Variants in THSD7B observed in about 807,000 individuals in gnomAD.
THSD7B encodes thrombospondin type-1 domain-containing protein 7B.
Under a neutral mutation model 213.6 loss-of-function variants are expected in THSD7B, and 138 were observed. The observed-to-expected ratio is 0.65, with a 90% CI of 0.56 to 0.74. The LOEUF is 0.74. Ranked by LOEUF, THSD7B falls within the 30% of genes least tolerant of loss-of-function variation. The pLI is 0.00. For synonymous variants in THSD7B, 742 were observed against 687.0 expected, an observed-to-expected ratio of 1.08 and a Z score of -1.25; for missense variants, 1,931 against 1,991.5, an observed-to-expected ratio of 0.97 and a Z score of 0.58.
At chr2:137,228,845 C>G (rs1681575616) in intron 7 of THSD7B, among the ~76,000 whole-genome samples, 1 of 152,180 alleles carries the variant, frequency 6.6e-6, no homozygotes, top group Admixed American at 6.5e-5. Flanking sequence ...AGATAAGTAA[C>G]AGTGAGCCCA....
At chr2:137,426,997 C>T (rs946202965) in intron 14 of THSD7B, among the ~76,000 whole-genome samples, 1 of 151,892 alleles carries the variant, frequency 6.6e-6, no homozygotes, top group Non-Finnish European at 1.5e-5. Flanking sequence ...TCTTAGTAGA[C>T]ATTTTTTTCA....
chr2:136,788,206 G>A (rs1001687656), intron 1 of THSD7B, among the ~76,000 whole-genome samples: 1 of 152,196 alleles, frequency 6.6e-6, no homozygotes, highest in East Asian at 1.9e-4. Flanking sequence ...TGGGGTTAAA[G>A]TGCCCGCTGG....
chr2:136,982,663 A>G (rs1685603496), intron 2 of THSD7B, among the ~76,000 whole-genome samples: 1 of 152,092 alleles, frequency 6.6e-6, no homozygotes, highest in Non-Finnish European at 1.5e-5. Flanking sequence ...ACACACAAAA[A>G]ATCCTTTTCA....
intron 12 of THSD7B, among the ~76,000 whole-genome samples, chr2:137,378,310 G>A (rs999393328): frequency 6.6e-6 from 1 of 152,166 alleles, no homozygotes; most frequent in African/African-American, 2.4e-5. Context: ...GACTTAAAGA[G>A]GCAATCTAAA....
Position 137,109,642 on chromosome 2 carries a change from A to T in THSD7B, c.1200-5482A>T, listed in dbSNP as rs74590068. On this transcript the variant is annotated intron_variant, in intron 4 of 27. Coordinates refer to ENST00000409968, the MANE Select transcript of THSD7B (RefSeq NM_001316349.2). ...TAGATCCCTCTCTTGTGCAGTTCAC[A>T]ATAGGGTTTGCACTCCTGTGAGAAT... Among the ~76,000 whole-genome samples the T allele has an allele frequency of 4.1e-3, 627 of 152,212 alleles. 3 individuals carry two copies. The highest frequency in any genetic ancestry group is 0.014 in the African/African-American group (601 of 41,528).
intron 1 of THSD7B, among the ~76,000 whole-genome samples, chr2:136,859,120 C>T (rs899360124): frequency 3.3e-5 from 5 of 152,188 alleles, no homozygotes; most frequent in African/African-American, 1.2e-4. Context: ...CACCTGCTAC[C>T]AATCAACTTA....
At chr2:137,070,268 A>T (rs1048725715) in intron 3 of THSD7B, among the ~76,000 whole-genome samples, 1 of 151,790 alleles carries the variant, frequency 6.6e-6, no homozygotes, top group Non-Finnish European at 1.5e-5. Flanking sequence ...CATATTAGTT[A>T]TTCAAGGTCT....
At chr2:137,108,231 A>G (rs1297949486) in intron 4 of THSD7B, among the ~76,000 whole-genome samples, 1 of 152,214 alleles carries the variant, frequency 6.6e-6, no homozygotes, top group Non-Finnish European at 1.5e-5. Flanking sequence ...AGCTTTTAGA[A>G]GAAGGAGCAA....
At chr2:137,466,163 T>C (rs113888379) in intron 15 of THSD7B, among the ~76,000 whole-genome samples, 3 of 152,260 alleles carry the variant, frequency 2.0e-5, no homozygotes, top group African/African-American at 7.2e-5. Flanking sequence ...TAAGCCCCAG[T>C]AGCTTTCAAA....
intron 3 of THSD7B, among the ~76,000 whole-genome samples, chr2:137,067,142 C>T (rs151328515): frequency 6.6e-4 from 100 of 152,230 alleles, no homozygotes; most frequent in African/African-American, 2.3e-3. Flanking sequence ...AGTTGTGCTA[C>T]ATTTCCAGTC....
intron 20 of THSD7B, among the ~76,000 whole-genome samples, chr2:137,637,580 A>G (rs1162358240): frequency 5.9e-5 from 9 of 152,348 alleles, no homozygotes; most frequent in African/African-American, 2.2e-4. Context: ...TTGTGTTTGG[A>G]TACCAAAAGC....
Position 137,411,597 on chromosome 2 carries a change from T to A in THSD7B, c.2696-12T>A. 6.2e-7 allele frequency: 1 copy of A among 1,602,688 alleles called. No individual in the cohort carries two copies. Among genetic ancestry groups the A allele is most frequent in the Non-Finnish European group, 8.5e-7 (1 of 1,173,162 alleles). The stretch of plus-strand genomic sequence containing the variant: ...TAAGCATTTAATATCTTAATGTCTC[T>A]TGTTGGAACAGGGAAAAGCAGAAAG... On this transcript the variant is annotated splice_polypyrimidine_tract_variant and intron_variant, in intron 13 of 27. Coordinates refer to ENST00000409968, the MANE Select transcript of THSD7B (RefSeq NM_001316349.2).
intron 2 of THSD7B, among the ~76,000 whole-genome samples, chr2:136,890,766 C>G (rs1255932960): frequency 6.6e-6 from 1 of 151,364 alleles, no homozygotes; most frequent in Non-Finnish European, 1.5e-5. Context: ...GTCTCGAACT[C>G]CTGACCTCAG....
At chr2:137,426,748 A>G (rs1687064827) in intron 14 of THSD7B, among the ~76,000 whole-genome samples, 1 of 152,192 alleles carries the variant, frequency 6.6e-6, no homozygotes, top group Non-Finnish European at 1.5e-5. Flanking sequence ...CTTGACAATG[A>G]TATTTTGGAT....
At chr2:136,820,495 G>A (rs915217022) in intron 1 of THSD7B, among the ~76,000 whole-genome samples, 15 of 152,164 alleles carry the variant, frequency 9.9e-5, no homozygotes, top group African/African-American at 3.4e-4. Flanking sequence ...TCAACATGAG[G>A]TTTAGTTAAC....
intron 2 of THSD7B, among the ~76,000 whole-genome samples, chr2:136,884,753 T>A (rs571232355): frequency 2.5e-4 from 38 of 152,350 alleles, no homozygotes; most frequent in Admixed American, 2.2e-3. Flanking sequence ...CATCTTTTAA[T>A]GACTGCATAG....
At chr2:136,793,448 C>A (rs1042113065) in intron 1 of THSD7B, among the ~76,000 whole-genome samples, 3 of 151,966 alleles carry the variant, frequency 2.0e-5, no homozygotes, top group Admixed American at 2.0e-4. Context: ...TTATCATATA[C>A]GTAGTTCATA....
At chr2:137,052,105 T>G (rs1687080256) in intron 2 of THSD7B, among the ~76,000 whole-genome samples, 1 of 152,196 alleles carries the variant, frequency 6.6e-6, no homozygotes, top group South Asian at 2.1e-4. Context: ...GAAAGTGACC[T>G]GCGAGTTCAT....
intron 27 of THSD7B, among the ~76,000 whole-genome samples, chr2:137,675,885 A>G (rs575336897): frequency 6.6e-6 from 1 of 152,286 alleles, no homozygotes; most frequent in Admixed American, 6.5e-5. Flanking sequence ...CAAGAAGTGT[A>G]CTGCAGGGTG....
Sources: allele counts gnomAD v4.1 joint callset (sites outside exome capture counted in the v4.1 genomes callset), GRCh38; gene constraint gnomAD v4.1.1; transcripts MANE v1.5; gene names NCBI Gene and HGNC (gene_info 2026-07-23, HGNC 2026-07-21).